Variants in LRRC4C observed in about 807,000 individuals in gnomAD.
The protein encoded by LRRC4C is leucine rich repeat containing 4C.
Under a neutral mutation model 33.6 loss-of-function variants are expected in LRRC4C, and 5 were observed. That is an observed-to-expected ratio of 0.15 (90% confidence interval 0.08 to 0.31). The LOEUF is 0.31. Ranked by LOEUF, LRRC4C falls within the 10% of genes least tolerant of loss-of-function variation. LRRC4C has a pLI of 1.00. For missense variants in LRRC4C, 560 were observed against 796.7 expected, an observed-to-expected ratio of 0.70 and a Z score of 3.58; for synonymous variants, 329 against 302.0, an observed-to-expected ratio of 1.09 and a Z score of -0.93.
chr11:40,750,499 T>A (rs1948631569), intron 2 of LRRC4C, among the ~76,000 whole-genome samples: 2 of 151,872 alleles, frequency 1.3e-5, no homozygotes, highest in African/African-American at 4.8e-5. Context: ...TTCATGTCCT[T>A]TGTAGGGACA....
At chr11:41,444,341 C>A (rs985294076) in intron 1 of LRRC4C, among the ~76,000 whole-genome samples, 1 of 152,166 alleles carries the variant, frequency 6.6e-6, no homozygotes, top group Non-Finnish European at 1.5e-5. Context: ...AACTACATAG[C>A]ATTTCTGTTG....
At position 40,792,697 on chromosome 11, in the gene LRRC4C, T is replaced by C. The variant is rs566054149; in HGVS notation, c.-407+140938A>G. The stretch of plus-strand genomic sequence containing the variant: ...AAAGACACATGCACACGTATGTTTA[T>C]TGCAGCAATATTCACAATAGCAAAG... On this transcript the variant is annotated intron_variant, in intron 2 of 6. Transcript: ENST00000528697. 3.9e-5 allele frequency among the ~76,000 whole-genome samples: 6 copies of C among 152,272 alleles called. No homozygotes were observed. In the South Asian group the frequency reaches 1.2e-3, roughly 32 times the overall value.
chr11:40,815,346 T>C (rs1405884738), intron 2 of LRRC4C, among the ~76,000 whole-genome samples: 2 of 152,100 alleles, frequency 1.3e-5, no homozygotes, highest in Non-Finnish European at 2.9e-5. Context: ...ACTCACCAGG[T>C]CCCTCCCACA....
chr11:40,605,773 T>C (rs1276719698), intron 3 of LRRC4C, among the ~76,000 whole-genome samples: 2 of 152,194 alleles, frequency 1.3e-5, no homozygotes, highest in Non-Finnish European at 2.9e-5. Flanking sequence ...TTTGAACTAA[T>C]ACTCTCTTCC....
chr11:40,984,375 G>A (rs1592258955), intron 1 of LRRC4C, among the ~76,000 whole-genome samples: 1 of 72,382 alleles, frequency 1.4e-5, no homozygotes, highest in Non-Finnish European at 3.3e-5. Flanking sequence ...AAGAAAGAAA[G>A]AAAGAAAGAA....
At chr11:40,869,177 C>A (rs1954514920) in intron 2 of LRRC4C, among the ~76,000 whole-genome samples, 1 of 152,114 alleles carries the variant, frequency 6.6e-6, no homozygotes, top group South Asian at 2.1e-4. Context: ...GAAGCAAACA[C>A]AACCCAGTTA....
chr11:40,480,232 G>T (rs1953476475), intron 3 of LRRC4C, among the ~76,000 whole-genome samples: 1 of 151,782 alleles, frequency 6.6e-6, no homozygotes. Context: ...TTAAAATCTT[G>T]AAATTGACAC....
intron 3 of LRRC4C, among the ~76,000 whole-genome samples, chr11:40,458,845 G>C (rs981074301): frequency 6.6e-6 from 1 of 152,140 alleles, no homozygotes; most frequent in South Asian, 2.1e-4. Flanking sequence ...AACTCAGAGA[G>C]AATGTTTTCC....
intron 3 of LRRC4C, among the ~76,000 whole-genome samples, chr11:40,511,961 A>G (rs780407314): frequency 3.3e-5 from 5 of 152,180 alleles, no homozygotes; most frequent in Non-Finnish European, 7.3e-5. Flanking sequence ...GATGTACTAC[A>G]TATACAGAAT....
chr11:41,384,837 G>A (rs1052902503), intron 1 of LRRC4C, among the ~76,000 whole-genome samples: 4 of 148,480 alleles, frequency 2.7e-5, no homozygotes, highest in Non-Finnish European at 6.0e-5. Context: ...CTATACAAAT[G>A]ATTTAGTATA....
intron 5 of LRRC4C, among the ~76,000 whole-genome samples, chr11:40,216,458 G>A (rs1863985404): frequency 6.6e-6 from 1 of 152,118 alleles, no homozygotes; most frequent in African/African-American, 2.4e-5. Flanking sequence ...CATCTCAATA[G>A]AGTTTTAATT....
At chr11:41,133,506 T>C (rs1590705116) in intron 1 of LRRC4C, among the ~76,000 whole-genome samples, 1 of 78,344 alleles carries the variant, frequency 1.3e-5, no homozygotes, top group Non-Finnish European at 2.3e-5. Context: ...ACCAACAGAA[T>C]AGATACCCTC....
chr11:40,418,848 T>C (rs1167037805), intron 3 of LRRC4C, among the ~76,000 whole-genome samples: 3 of 152,134 alleles, frequency 2.0e-5, no homozygotes, highest in Non-Finnish European at 4.4e-5. Context: ...TGGAAGCCAT[T>C]ATCTTCAGCA....
At chr11:40,520,870 G>A (rs1189283604) in intron 3 of LRRC4C, among the ~76,000 whole-genome samples, 3 of 152,088 alleles carry the variant, frequency 2.0e-5, no homozygotes, top group Non-Finnish European at 4.4e-5. Flanking sequence ...ATGATTGCCT[G>A]ATTTTCTTGT....
At chr11:40,400,801 C>A (rs1281558237) in intron 3 of LRRC4C, among the ~76,000 whole-genome samples, 1 of 152,116 alleles carries the variant, frequency 6.6e-6, no homozygotes, top group Non-Finnish European at 1.5e-5. Flanking sequence ...GTTGGAATGT[C>A]ATTCCCTCCT....
chr11:40,676,708 T>C (rs1444580262), intron 2 of LRRC4C, among the ~76,000 whole-genome samples: 4 of 152,194 alleles, frequency 2.6e-5, no homozygotes, highest in Non-Finnish European at 5.9e-5. Flanking sequence ...TCTTGACCAA[T>C]TTGGCTCAAT....
At chr11:41,291,135 T>TTTTAAAACA (rs1949981076) in intron 1 of LRRC4C, among the ~76,000 whole-genome samples, 1 of 152,216 alleles carries the variant, frequency 6.6e-6, no homozygotes, top group Admixed American at 6.5e-5. Context: ...AAAGTATAAC[T>TTTTAAAACA]TTTAAAACAT....
chr11:41,025,387 C>T (rs1450373459), intron 1 of LRRC4C, among the ~76,000 whole-genome samples: 2 of 151,586 alleles, frequency 1.3e-5, no homozygotes, highest in Non-Finnish European at 3.0e-5. Context: ...GAAAATGAAA[C>T]AGCCTTATTG....
chr11:41,165,045 T>A (rs1190986241), intron 1 of LRRC4C, among the ~76,000 whole-genome samples: 1 of 152,186 alleles, frequency 6.6e-6, no homozygotes. Context: ...CTGTAAATCA[T>A]GTGCTTAGTG....
Sources: gnomAD v4.1 joint callset for allele counts (sites outside exome capture counted in the v4.1 genomes callset) on GRCh38, gnomAD v4.1.1 for gene constraint, MANE v1.5 for transcripts, NCBI Gene and HGNC (gene_info 2026-07-23, HGNC 2026-07-21) for gene names.